Variants in USP14 observed in about 807,000 individuals in gnomAD.
USP14 encodes ubiquitin specific peptidase 14.
In USP14, 38 loss-of-function variants were observed where a neutral mutation model predicts 76.5. The ratio of observed to expected loss-of-function variants is 0.50; its 90% CI spans 0.38 to 0.65. USP14 has a LOEUF of 0.65. USP14 is among the 30% of genes least tolerant of loss of function. The pLI is 0.00. For synonymous variants in USP14, 192 were observed against 191.7 expected, an observed-to-expected ratio of 1.00 and a Z score of -0.01; for missense variants, 467 against 586.5, an observed-to-expected ratio of 0.80 and a Z score of 2.10.
chr18:198,154 T>C (rs1414683897), intron 9 of USP14, 22 bp downstream of exon 9: 7 of 1,572,728 alleles, frequency 4.5e-6, no homozygotes, highest in East Asian at 2.2e-5. Context: ...AGCCAAGATA[T>C]AGACTATACT....
At chr18:171,025 A>AATATAT (rs57888885) in intron 3 of USP14, among the ~76,000 whole-genome samples, 729 of 47,562 alleles carry the variant, frequency 0.015, 13 homozygotes, top group East Asian at 0.038. Flanking sequence ...AAAAAAAAAA[A>AATATAT]ATATATATAT....
At chr18:196,198 C>G (rs1399607261) in intron 6 of USP14, among the ~76,000 whole-genome samples, 1 of 151,842 alleles carries the variant, frequency 6.6e-6, no homozygotes, top group Non-Finnish European at 1.5e-5. Flanking sequence ...GTGGCATGCT[C>G]CTGTAATCCC....
intron 4 of USP14, among the ~76,000 whole-genome samples, chr18:179,767 T>A (rs1486489994): frequency 5.6e-5 from 8 of 142,758 alleles, no homozygotes; most frequent in East Asian, 2.0e-4. Context: ...AAAAAAAAAA[T>A]TTTTTTTTTT....
At chr18:167,090 G>GA (rs917763211) in intron 3 of USP14, among the ~76,000 whole-genome samples, 1 of 151,222 alleles carries the variant, frequency 6.6e-6, no homozygotes, top group Non-Finnish European at 1.5e-5. Context: ...TAAAAGCCTT[G>GA]AAAAAAAAAT....
At chr18:198,545 C>T (rs1431954465) in intron 9 of USP14, among the ~76,000 whole-genome samples, 1 of 151,906 alleles carries the variant, frequency 6.6e-6, no homozygotes, top group Non-Finnish European at 1.5e-5. Flanking sequence ...TAAAAAAATA[C>T]AATAATGGAA....
intron 10 of USP14, among the ~76,000 whole-genome samples, chr18:200,145 G>A (rs934008522): frequency 6.6e-6 from 1 of 152,146 alleles, no homozygotes; most frequent in Admixed American, 6.5e-5. Context: ...AATGTTTGTT[G>A]AATAGTTTAC....
intron 3 of USP14, among the ~76,000 whole-genome samples, chr18:169,935 C>T (rs1265571911): frequency 6.6e-6 from 1 of 152,080 alleles, no homozygotes; most frequent in Non-Finnish European, 1.5e-5. Context: ...CCTCACCGAC[C>T]CGCAGTTCCC....
intron 10 of USP14, among the ~76,000 whole-genome samples, chr18:201,031 G>A (rs1910371490): frequency 6.6e-6 from 1 of 152,128 alleles, no homozygotes; most frequent in Admixed American, 6.5e-5. Context: ...TCAATCTCCT[G>A]ACCTTGTGAT....
chr18:163,351 G>A lies in USP14; in HGVS notation c.60G>A (p.Leu20=), dbSNP rs769859580. The A allele has an allele frequency of 6.8e-6, 11 of 1,613,832 alleles. No individual in the cohort carries two copies. Among genetic ancestry groups the A allele is most frequent in the Middle Eastern group, 1.6e-4 (1 of 6,062 alleles). ...AGGAGAAATTTGAAGGTGTAGAATT[G>A]AATACAGATGAACCTCCAATGGTAT... ...WGKEKFEGVE[L]NTDEPPMVFK... is the part of the protein sequence containing the mutation. The change falls in exon 2 of 16, where the codon TTG becomes TTA. Residue 20 remains leucine (L), a synonymous_variant. Coordinates refer to ENST00000261601, the MANE Select transcript of USP14 (RefSeq NM_005151.4).
chr18:208,208 C>A (rs190710567), intron 13 of USP14, among the ~76,000 whole-genome samples: 21 of 151,864 alleles, frequency 1.4e-4, no homozygotes, highest in African/African-American at 5.1e-4. Flanking sequence ...TTCAAATGAT[C>A]TATTTCATAT....
At chr18:173,099 TTGTC>T (rs1568417363) in intron 3 of USP14, among the ~76,000 whole-genome samples, 1 of 152,054 alleles carries the variant, frequency 6.6e-6, no homozygotes, top group Non-Finnish European at 1.5e-5. Context: ...TTTAGATATA[TTGTC>T]TGTCTTTTTT....
intron 5 of USP14, among the ~76,000 whole-genome samples, chr18:184,695 G>A (rs1909880403): frequency 6.6e-6 from 1 of 152,158 alleles, no homozygotes. Flanking sequence ...TTGAGCCTGG[G>A]AGGTCGAGTC....
At chr18:165,402 C>T (rs1360192706) in intron 2 of USP14, among the ~76,000 whole-genome samples, 7 of 152,124 alleles carry the variant, frequency 4.6e-5, no homozygotes, top group Admixed American at 6.6e-5. Context: ...TGTTTACCCC[C>T]GAAGGTACAG....
chr18:206,206 A>G (rs577144688), intron 13 of USP14, among the ~76,000 whole-genome samples: 2 of 152,308 alleles, frequency 1.3e-5, no homozygotes, highest in Middle Eastern at 3.4e-3. Context: ...CTTTCTCTGC[A>G]TTCTCACCAG....
Position 181,752 on chromosome 18 carries a change from T to C in USP14, c.404+1413T>C, listed in dbSNP as rs1046178435. 1.3e-5 allele frequency among the ~76,000 whole-genome samples: 2 copies of C among 152,314 alleles called. 1 individual carries two copies. Among genetic ancestry groups the C allele is most frequent in the Non-Finnish European group, 2.9e-5 (2 of 68,026 alleles). On this transcript the variant is annotated intron_variant, in intron 5 of 15. Transcript: ENST00000261601. ...GATGTAGTTTAATCTTAATTTTAATTTTTTCTTTTATCACATATGCTTTTG... is the reference window on the plus strand; with the variant it reads ...GATGTAGTTTAATCTTAATTTTAATCTTTTCTTTTATCACATATGCTTTTG...
At position 202,960 on chromosome 18, in the gene USP14, C is replaced by T. The variant is rs753759576; in HGVS notation, c.942+15C>T. 1 of 1,613,250 alleles carries T rather than the reference C, an allele frequency of 6.2e-7. No individual in the cohort carries two copies. The highest frequency in any genetic ancestry group is 8.5e-7 in the Non-Finnish European group (1 of 1,179,524). The stretch of plus-strand genomic sequence containing the variant: ...ATATCAAATCTGTAAGTTATGCAGT[C>T]CTTTCGAAGCCAAATTCCGCTTCAC... On this transcript the variant is annotated intron_variant, in intron 11 of 15. Transcript: ENST00000261601.
chr18:204,945 G>A (rs1264723004), intron 13 of USP14, among the ~76,000 whole-genome samples: 1 of 151,328 alleles, frequency 6.6e-6, no homozygotes, highest in East Asian at 1.9e-4. Flanking sequence ...TGTCACTCAG[G>A]CTCACTGCAG....
At chr18:169,084 A>C (rs1410088707) in intron 3 of USP14, among the ~76,000 whole-genome samples, 1 of 150,900 alleles carries the variant, frequency 6.6e-6, no homozygotes, top group Non-Finnish European at 1.5e-5. Flanking sequence ...CTCAAAAAAA[A>C]AAAAGTGATA....
At chr18:165,610 C>G (rs563758737) in intron 2 of USP14, among the ~76,000 whole-genome samples, 34 of 152,104 alleles carry the variant, frequency 2.2e-4, no homozygotes, top group Non-Finnish European at 4.7e-4. Context: ...TTATCCATAT[C>G]TTATATATGA....
Sources: allele counts gnomAD v4.1 joint callset (sites outside exome capture counted in the v4.1 genomes callset), GRCh38; gene constraint gnomAD v4.1.1; transcripts MANE v1.5; gene names NCBI Gene and HGNC (gene_info 2026-07-23, HGNC 2026-07-21).